Variants in CADPS observed in about 807,000 individuals in gnomAD.
CADPS encodes calcium-dependent secretion activator 1.
A neutral mutation model predicts 167.3 loss-of-function variants in CADPS; 57 were observed. The ratio of observed to expected loss-of-function variants is 0.34; its 90% CI spans 0.28 to 0.42. CADPS has a LOEUF of 0.42. CADPS is among the 20% of genes least tolerant of loss of function. The pLI, the probability that CADPS is intolerant of heterozygous loss-of-function variation, is 1.00. For synonymous variants in CADPS, 676 were observed against 635.3 expected, an observed-to-expected ratio of 1.06 and a Z score of -0.96; for missense variants, 1,414 against 1,738.1, an observed-to-expected ratio of 0.81 and a Z score of 3.32.
At chr3:62,541,507 C>A (rs1001113683) in intron 11 of CADPS, among the ~76,000 whole-genome samples, 6 of 152,216 alleles carry the variant, frequency 3.9e-5, no homozygotes, top group Middle Eastern at 6.8e-3. Context: ...GACATAGATG[C>A]AGGTTGATGA....
intron 1 of CADPS, among the ~76,000 whole-genome samples, chr3:62,812,034 C>A (rs1459186991): frequency 6.6e-6 from 1 of 151,852 alleles, no homozygotes; most frequent in Non-Finnish European, 1.5e-5. Context: ...AATCAAATTA[C>A]ATTAAAAAGA....
intron 3 of CADPS, among the ~76,000 whole-genome samples, chr3:62,724,401 A>C (rs2076364663): frequency 7.0e-6 from 1 of 142,886 alleles, no homozygotes; most frequent in Non-Finnish European, 1.5e-5. Flanking sequence ...ATGGACTAAG[A>C]AACAATAACA....
intron 11 of CADPS, among the ~76,000 whole-genome samples, chr3:62,539,687 A>G (rs968598745): frequency 5.9e-5 from 9 of 152,182 alleles, no homozygotes; most frequent in African/African-American, 1.9e-4. Context: ...CACTAAGCAC[A>G]TATTAGTTAA....
At chr3:62,722,061 G>A (rs778588771) in intron 3 of CADPS, among the ~76,000 whole-genome samples, 25 of 152,236 alleles carry the variant, frequency 1.6e-4, no homozygotes, top group Non-Finnish European at 2.9e-4. Flanking sequence ...CACCTGATGG[G>A]GTTGGCACTG....
At chr3:62,585,665 G>T (rs1260780736) in intron 7 of CADPS, among the ~76,000 whole-genome samples, 2 of 152,180 alleles carry the variant, frequency 1.3e-5, no homozygotes, top group Non-Finnish European at 2.9e-5. Context: ...ATAAAAGGAA[G>T]AAATATGCTT....
intron 28 of CADPS, among the ~76,000 whole-genome samples, chr3:62,424,528 T>C (rs2052215820): frequency 6.6e-6 from 1 of 152,152 alleles, no homozygotes; most frequent in Admixed American, 6.5e-5. Flanking sequence ...TAGTGACACC[T>C]GGGGTTAAGT....
At chr3:62,790,989 G>C (rs1347360231) in intron 1 of CADPS, among the ~76,000 whole-genome samples, 1 of 114,420 alleles carries the variant, frequency 8.7e-6, no homozygotes, top group African/African-American at 3.7e-5. Context: ...CACATGTGTT[G>C]GCTCCTAAGT....
chr3:62,804,789 ATTTG>A (rs1417243224), intron 1 of CADPS, among the ~76,000 whole-genome samples: 24 of 152,266 alleles, frequency 1.6e-4, no homozygotes, highest in South Asian at 4.1e-4. Context: ...TTATTTATAT[ATTTG>A]TTTATTTACT....
intron 2 of CADPS, among the ~76,000 whole-genome samples, chr3:62,759,712 A>C (rs1039278300): frequency 2.6e-5 from 4 of 152,178 alleles, no homozygotes; most frequent in African/African-American, 9.7e-5. Context: ...GGAAAGATAG[A>C]AACCAAAGTT....
At chr3:62,729,817 G>A (rs576127360) in intron 3 of CADPS, among the ~76,000 whole-genome samples, 1 of 151,820 alleles carries the variant, frequency 6.6e-6, no homozygotes, top group East Asian at 1.9e-4. Flanking sequence ...CTTTGCATCT[G>A]TGGTGGCCAT....
At chr3:62,437,446 T>C (rs2055354607) in intron 28 of CADPS, among the ~76,000 whole-genome samples, 1 of 151,614 alleles carries the variant, frequency 6.6e-6, no homozygotes, top group Non-Finnish European at 1.5e-5. Flanking sequence ...CTTGGTAATC[T>C]GCATTTTCTG....
At chr3:62,411,352 G>A (rs2048916324) in intron 28 of CADPS, among the ~76,000 whole-genome samples, 1 of 152,104 alleles carries the variant, frequency 6.6e-6, no homozygotes, top group South Asian at 2.1e-4. Flanking sequence ...TTGTTTGTTG[G>A]CAAGGAGTCA....
chr3:62,575,381 T>C (rs970644103), intron 8 of CADPS, among the ~76,000 whole-genome samples: 1 of 152,222 alleles, frequency 6.6e-6, no homozygotes, highest in African/African-American at 2.4e-5. Flanking sequence ...TTACCCAGAT[T>C]CATGTGCAAA....
intron 6 of CADPS, among the ~76,000 whole-genome samples, chr3:62,604,137 C>T (rs149733101): frequency 4.6e-5 from 7 of 152,090 alleles, no homozygotes; most frequent in East Asian, 1.9e-4. Context: ...GCCTGCTATA[C>T]GTTTTTTCAA....
chr3:62,679,556 TGA>T (rs1248944732), intron 3 of CADPS, among the ~76,000 whole-genome samples: 1 of 151,972 alleles, frequency 6.6e-6, no homozygotes, highest in Non-Finnish European at 1.5e-5. Flanking sequence ...ATGTCTCTCA[TGA>T]GAGCACCAGC....
intron 22 of CADPS, among the ~76,000 whole-genome samples, chr3:62,479,496 G>A (rs2061708270): frequency 6.6e-6 from 1 of 152,236 alleles, no homozygotes; most frequent in South Asian, 2.1e-4. Flanking sequence ...TGTGACAGAT[G>A]CCAGCTGCAT....
intron 13 of CADPS, among the ~76,000 whole-genome samples, chr3:62,520,898 A>T (rs1169929055): frequency 1.3e-5 from 2 of 152,206 alleles, no homozygotes; most frequent in Admixed American, 1.3e-4. Flanking sequence ...TTTCTTGTTC[A>T]TCGACCCCTA....
intron 29 of CADPS, 121 bp downstream of exon 29, chr3:62,402,960 G>C: frequency 1.8e-6 from 1 of 547,370 alleles, no homozygotes; most frequent in Non-Finnish European, 3.2e-6. Flanking sequence ...GGTTTTTCTT[G>C]TATGAGATAC....
At chr3:62,642,825 ACCTGAGC>A (rs959161266) in intron 6 of CADPS, among the ~76,000 whole-genome samples, 1 of 152,032 alleles carries the variant, frequency 6.6e-6, no homozygotes, top group Non-Finnish European at 1.5e-5. Context: ...TGGGAGGATC[ACCTGAGC>A]CCAGGTTGGC....
Sources: gnomAD v4.1 joint callset for allele counts (sites outside exome capture counted in the v4.1 genomes callset) on GRCh38, gnomAD v4.1.1 for gene constraint, MANE v1.5 for transcripts, NCBI Gene and HGNC (gene_info 2026-07-23, HGNC 2026-07-21) for gene names.